The following CORO7 variants were observed in gnomAD, a reference collection of about 807,000 sequenced individuals.
The protein encoded by CORO7 is coronin 7.
In CORO7, 107 loss-of-function variants were observed where a neutral mutation model predicts 126.6. The observed-to-expected ratio is 0.85, with a 90% CI of 0.72 to 0.99. CORO7 has a LOEUF of 0.99. Ranked by LOEUF, CORO7 falls within the 50% of genes least tolerant of loss-of-function variation. CORO7 has a pLI of 0.00. For synonymous variants in CORO7, 603 were observed against 536.8 expected, an observed-to-expected ratio of 1.12 and a Z score of -1.70; for missense variants, 1,314 against 1,255.8, an observed-to-expected ratio of 1.05 and a Z score of -0.70.
intron 13 of CORO7, 29 bp from the exon 14 acceptor site, chr16:4,364,442 G>A (rs1262711703): frequency 4.0e-6 from 6 of 1,487,530 alleles, no homozygotes; most frequent in Non-Finnish European, 5.4e-6. Flanking sequence ...TGGGGAGATG[G>A]GGGCATGGGC....
intron 9 of CORO7, chr16:4,381,889 C>T: frequency 6.2e-7 from 1 of 1,605,382 alleles, no homozygotes; most frequent in Non-Finnish European, 8.5e-7. Flanking sequence ...CGCTGGCCGG[C>T]TGCTCCTGGA....
Position 4,378,518 on chromosome 16 carries a change from G to A in CORO7, c.785+9468C>T, listed in dbSNP as rs1336108217. Among the ~76,000 whole-genome samples, 4 of 152,172 alleles carry A rather than the reference G, an allele frequency of 2.6e-5. 1 individual carries two copies. On this transcript the variant is annotated intron_variant, in intron 9 of 27. Transcript: ENST00000251166. Reference sequence around the variant, plus strand: ...CTCACAGCCCACATCTGGAGGCCAGGCCGCACCCGCCGTCCTCTGAGTCAG... The same window carrying A: ...CTCACAGCCCACATCTGGAGGCCAGACCGCACCCGCCGTCCTCTGAGTCAG...
chr16:4,413,470 C>G, intron 1 of CORO7, 66 bp from the exon 2 acceptor site: 1 of 1,455,106 alleles, frequency 6.9e-7, no homozygotes, highest in Non-Finnish European at 9.4e-7. Context: ...ATGCCTAAAG[C>G]AAGAGGTGGG....
At position 4,362,556 on chromosome 16, in the gene CORO7, A is replaced by G; in HGVS notation, c.1402+56T>C. 1 of 1,487,834 alleles carries G rather than the reference A, an allele frequency of 6.7e-7. No homozygotes were observed. The highest frequency in any genetic ancestry group is 8.9e-7 in the Non-Finnish European group (1 of 1,120,456). The allele number at this position is 1,487,834 out of a possible 1,614,324, so 92.2% of individuals were successfully genotyped here. On this transcript the variant is annotated intron_variant, in intron 15 of 27. Transcript: ENST00000251166. The surrounding 1 kb of genome is among the most constrained non-coding windows in gnomAD (Gnocchi z 5.3). The stretch of plus-strand genomic sequence containing the variant: ...TAGGGTACACAGGAGGATGACGGGG[A>G]GTGGGGCAGACAGGGCTCCTGCGGT...
chr16:4,408,372 A>G, intron 3 of CORO7, 121 bp from the exon 4 acceptor site: 1 of 1,404,684 alleles, frequency 7.1e-7, no homozygotes, highest in Non-Finnish European at 9.8e-7. Context: ...ACAAGTCTAC[A>G]AGGGCCCTCT....
Position 4,395,316 on chromosome 16 carries a change from G to A in CORO7, c.588C>T (p.Asp196=). ...ACKDKQLRIF[D]PRTKPRASQS... Reference sequence around the variant, plus strand: ...GAGAGGCCCGCGGCTTTGTTCTGGGGTCAAAGATCCGCAGCTGCTTGTCCT... The same window carrying A: ...GAGAGGCCCGCGGCTTTGTTCTGGGATCAAAGATCCGCAGCTGCTTGTCCT... Residue 196 remains aspartate, a synonymous_variant, in exon 7 of 28, where the codon GAC becomes GAT. Coordinates refer to ENST00000251166, the MANE Select transcript of CORO7 (RefSeq NM_024535.5). 1 of 1,614,064 alleles carries A rather than the reference G, an allele frequency of 6.2e-7. No individual in the cohort carries two copies. The highest frequency in any genetic ancestry group is 8.5e-7 in the Non-Finnish European group (1 of 1,180,014).
At chr16:4,412,658 GTCCTCT>G in intron 2 of CORO7, 1 of 545,748 alleles carries the variant, frequency 1.8e-6, no homozygotes. Flanking sequence ...TAGGCGAGAG[GTCCTCT>G]CTTTTTAACA....
At chr16:4,400,989 A>C (rs2055781779) in intron 6 of CORO7, among the ~76,000 whole-genome samples, 2 of 152,146 alleles carry the variant, frequency 1.3e-5, no homozygotes, top group Admixed American at 1.3e-4. Context: ...TAGTCCATCA[A>C]CTAAAACAAC....
chr16:4,403,592 C>T (rs552135093), intron 6 of CORO7, among the ~76,000 whole-genome samples: 1 of 152,284 alleles, frequency 6.6e-6, no homozygotes, highest in African/African-American at 2.4e-5. Flanking sequence ...GGGGAAGCAG[C>T]AGGAGCTCCT....
chr16:4,413,262 T>C (rs1461455417), intron 2 of CORO7, 46 bp downstream of exon 2: 2 of 1,532,874 alleles, frequency 1.3e-6, no homozygotes, highest in South Asian at 1.2e-5. Context: ...ATGGTGACGA[T>C]GACCGAATAT....
chr16:4,355,041 G>C lies in CORO7; in HGVS notation c.*117C>G, dbSNP rs572277210. 1 of 1,164,486 alleles carries C rather than the reference G, an allele frequency of 8.6e-7. No individual in the cohort carries two copies. Among genetic ancestry groups the C allele is most frequent in the African/African-American group, 1.6e-5 (1 of 64,388 alleles). 72.1% of individuals were successfully genotyped at this position (1,164,486 alleles called of 1,614,324 possible). A position where few individuals can be genotyped will look rare whatever the true frequency, so the allele number is the denominator to read the frequency against. On this transcript the variant is annotated 3_prime_UTR_variant, in exon 28 of 28. Transcript: ENST00000251166. The stretch of plus-strand genomic sequence containing the variant: ...TGTGGAAGTGCCCACGGGAAGGCAG[G>C]AGTGCAGGGGTGACATGTGCCGGGG...
rs771163686 is a variant in CORO7 at position 4,358,450 on chromosome 16, C to G, written c.2374G>C (p.Val792Leu). 40 of 1,609,506 alleles carry G rather than the reference C, an allele frequency of 2.5e-5. No individual in the cohort carries two copies. Among genetic ancestry groups the G allele is most frequent in the Non-Finnish European group, 3.4e-5 (40 of 1,177,882 alleles). The part of the protein sequence containing the change: ...LVLLPKTECD[V>L]REVELMRCLR... The stretch of plus-strand genomic sequence containing the variant: ...CACCGCATCAGCTCCACTTCCCGCA[C>G]GTCGCACTCCGTCTTAGGCAGGAGG... Residue 792 changes from valine (V) to leucine (L), a missense_variant, in exon 24 of 28, where the codon GTG (valine) becomes CTG (leucine). Physicochemically the swap from Val to Leu is conservative, Grantham distance 32 (BLOSUM62 1). Coordinates refer to ENST00000251166, the MANE Select transcript of CORO7 (RefSeq NM_024535.5).
intron 5 of CORO7, among the ~76,000 whole-genome samples, chr16:4,406,429 G>C (rs780430746): frequency 2.0e-5 from 3 of 152,126 alleles, no homozygotes; most frequent in Non-Finnish European, 4.4e-5. Context: ...TTGAGTACCT[G>C]GGACACAGAC....
chr16:4,382,630 G>A, intron 9 of CORO7: 1 of 1,569,030 alleles, frequency 6.4e-7, no homozygotes, highest in African/African-American at 1.4e-5. Context: ...CCTGGCCGCG[G>A]TGCTCCTGGC....
At chr16:4,357,754 T>C (rs1021231860) in intron 25 of CORO7, 98 of 481,818 alleles carry the variant, frequency 2.0e-4, no homozygotes, top group African/African-American at 1.7e-3. Context: ...AGTGTGTGCG[T>C]GTGTGTGTGT....
At chr16:4,382,722 G>T in intron 9 of CORO7, 2 of 1,552,012 alleles carry the variant, frequency 1.3e-6, no homozygotes, top group South Asian at 2.4e-5. Flanking sequence ...AAGGGCAGGT[G>T]GGGCCAGGGG....
chr16:4,395,093 C>T (rs1252101992), intron 7 of CORO7, among the ~76,000 whole-genome samples, 196 bp downstream of exon 7: 2 of 152,182 alleles, frequency 1.3e-5, no homozygotes, highest in Non-Finnish European at 2.9e-5. Flanking sequence ...TGATCAAAGC[C>T]AGGCCCTCCC....
chr16:4,412,335 A>G (rs898754022), intron 3 of CORO7, 21 bp downstream of exon 3: 1 of 1,613,798 alleles, frequency 6.2e-7, no homozygotes, highest in South Asian at 1.1e-5. Context: ...GGCTTCACCC[A>G]CTAGTCAGAC....
rs375838180 is a variant in CORO7, at chr16:4,390,295, C to CT, written c.616-1665dup. Among the ~76,000 whole-genome samples the CT allele has an allele frequency of 6.4e-3, 940 of 147,922 alleles. 11 individuals are homozygous for CT. The highest frequency in any genetic ancestry group is 0.021 in the African/African-American group (870 of 40,514). On this transcript the variant is annotated intron_variant, in intron 7 of 27. Coordinates refer to ENST00000251166, the MANE Select transcript of CORO7 (RefSeq NM_024535.5). ...GTAAAAAGCACTGTAACAGAATTTA[C>CT]TTTTTTTTTTTAACCTTTCCTATGG...
Sources: gnomAD v4.1 joint callset for allele counts (sites outside exome capture counted in the v4.1 genomes callset) on GRCh38, gnomAD v4.1.1 for gene constraint, Gnocchi (gnomAD v3.1) non-coding constraint, MANE v1.5 for transcripts, NCBI Gene and HGNC (gene_info 2026-07-23, HGNC 2026-07-21) for gene names.